The following ZMAT4 variants were observed in gnomAD, a reference collection of about 807,000 sequenced individuals.
ZMAT4 encodes zinc finger matrin-type protein 4.
Under a neutral mutation model 28.7 loss-of-function variants are expected in ZMAT4, and 17 were observed. That is an observed-to-expected ratio of 0.59 (90% CI 0.41 to 0.89). ZMAT4 has a LOEUF of 0.89. Ranked by LOEUF, ZMAT4 falls within the 40% of genes least tolerant of loss-of-function variation. The pLI, the probability that ZMAT4 is intolerant of heterozygous loss-of-function variation, is 0.00. For synonymous variants in ZMAT4, 117 were observed against 109.2 expected (o/e 1.07, Z -0.44); for missense variants, 240 against 283.8 (o/e 0.85, Z 1.11).
At chr8:40,772,734 G>T (rs1813431945) in intron 2 of ZMAT4, among the ~76,000 whole-genome samples, 1 of 152,162 alleles carries the variant, frequency 6.6e-6, no homozygotes, top group Admixed American at 6.6e-5. Context: ...TCATCAGAAG[G>T]ATCTAATTAT....
chr8:40,891,229 ACT>A, intron 1 of ZMAT4, among the ~76,000 whole-genome samples: 11 of 9,944 alleles, frequency 1.1e-3, no homozygotes, highest in Admixed American at 1.6e-3. Context: ...AGAGGAGAAG[ACT>A]TGAGAGGAGA....
intron 3 of ZMAT4, among the ~76,000 whole-genome samples, chr8:40,746,153 G>A (rs543561218): frequency 6.5e-4 from 99 of 151,854 alleles, no homozygotes; most frequent in Non-Finnish European, 1.1e-3. Flanking sequence ...TCTGAGCTCC[G>A]CAGAGGAACT....
intron 1 of ZMAT4, among the ~76,000 whole-genome samples, chr8:40,844,657 CTGTGTGTGTGTGTGTGTG>C (rs71224857): frequency 2.8e-5 from 4 of 142,406 alleles, no homozygotes; most frequent in Non-Finnish European, 6.1e-5. Flanking sequence ...CTCTCTCATT[CTGTGTGTGTGTGTGTGTG>C]TGTGTGTGTG....
chr8:40,704,159 G>A (rs527291979), intron 3 of ZMAT4, among the ~76,000 whole-genome samples: 18 of 152,292 alleles, frequency 1.2e-4, no homozygotes, highest in African/African-American at 2.9e-4. Flanking sequence ...TCCAATAAAC[G>A]CCACTATTTC....
At chr8:40,543,380 G>A (rs905030196) in intron 6 of ZMAT4, among the ~76,000 whole-genome samples, 2 of 152,228 alleles carry the variant, frequency 1.3e-5, no homozygotes, top group African/African-American at 2.4e-5. Flanking sequence ...CAAAGGCAGC[G>A]ATGGGTGTAG....
chr8:40,820,608 G>GTA (rs150613404), intron 2 of ZMAT4, among the ~76,000 whole-genome samples: 106,994 of 145,294 alleles, frequency 0.74, 38,884 homozygotes, highest in East Asian at 0.85. Flanking sequence ...GGGAGTGCAT[G>GTA]TGTGTGTATG....
rs1411287680 is a variant in ZMAT4 at position 40,697,335 on chromosome 8, CTGAAG to C, written c.254_258del (p.Thr85SerfsTer38). ...TGATAATGGGAATCGGCCACCACCG[CTGAAG>C]TGAATGACATGTTGCAGAGTGTGCA... On this transcript the variant is annotated frameshift_variant, in exon 4 of 7. Coordinates refer to ENST00000297737, the MANE Select transcript of ZMAT4 (RefSeq NM_024645.3). LOFTEE classifies it high-confidence loss of function. 2.5e-6 allele frequency: 4 copies of C among 1,613,976 alleles called. No individual in the cohort carries two copies. In the South Asian group the frequency reaches 4.4e-5, roughly 18 times the overall value.
intron 1 of ZMAT4, among the ~76,000 whole-genome samples, chr8:40,877,890 C>G (rs1012022750): frequency 1.3e-5 from 2 of 152,122 alleles, no homozygotes; most frequent in Non-Finnish European, 2.9e-5. Flanking sequence ...AACACCTGGG[C>G]GCATTCCAAA....
At chr8:40,652,535 C>G (rs9693730) in intron 5 of ZMAT4, among the ~76,000 whole-genome samples, 35,591 of 37,974 alleles carry the variant, frequency 0.94, 17,170 homozygotes, top group Middle Eastern at 1. Context: ...CGATTCCTCA[C>G]GGATCTAGAA....
At chr8:40,591,007 T>A (rs1230789842) in intron 5 of ZMAT4, among the ~76,000 whole-genome samples, 1 of 152,142 alleles carries the variant, frequency 6.6e-6, no homozygotes, top group Non-Finnish European at 1.5e-5. Context: ...TCACCCCAGC[T>A]GATAGGGAGA....
At chr8:40,779,440 A>G (rs1412638383) in intron 2 of ZMAT4, among the ~76,000 whole-genome samples, 1 of 151,884 alleles carries the variant, frequency 6.6e-6, no homozygotes, top group Non-Finnish European at 1.5e-5. Context: ...AGCCAGAGAG[A>G]AACACAGGCA....
At chr8:40,559,616 A>G (rs1240003794) in intron 6 of ZMAT4, among the ~76,000 whole-genome samples, 1 of 152,150 alleles carries the variant, frequency 6.6e-6, no homozygotes, top group Non-Finnish European at 1.5e-5. Flanking sequence ...TGTAGGTTGT[A>G]ACCCTTTATA....
chr8:40,782,249 G>A (rs1813867370), intron 2 of ZMAT4, among the ~76,000 whole-genome samples: 1 of 151,990 alleles, frequency 6.6e-6, no homozygotes, highest in South Asian at 2.1e-4. Context: ...AGCTGGGCAT[G>A]GTGGTGGGTG....
intron 6 of ZMAT4, among the ~76,000 whole-genome samples, chr8:40,561,980 C>T (rs2118471867): frequency 6.6e-6 from 1 of 152,254 alleles, no homozygotes; most frequent in South Asian, 2.1e-4. Context: ...CACACACCTC[C>T]TAGTGGTCTT....
intron 5 of ZMAT4, among the ~76,000 whole-genome samples, chr8:40,613,180 C>CTTTCTTTTTTTT (rs71224837): frequency 1.2e-3 from 99 of 79,972 alleles, no homozygotes; most frequent in East Asian, 5.1e-3. Flanking sequence ...TACTTTCTTT[C>CTTTCTTTTTTTT]TTTTTTTTTT....
intron 2 of ZMAT4, among the ~76,000 whole-genome samples, chr8:40,823,708 TGTGTGTGTGTGC>T (rs1554564630): frequency 1.1e-5 from 1 of 91,264 alleles, no homozygotes; most frequent in Admixed American, 9.5e-5. Context: ...CACACACACG[TGTGTGTGTGTGC>T]GTGTGTGTTT....
intron 2 of ZMAT4, chr8:40,808,564 G>T (rs773721202): frequency 2.0e-5 from 9 of 454,120 alleles, no homozygotes; most frequent in African/African-American, 4.0e-5. Context: ...CAGAGGAACT[G>T]CACCACACTG....
intron 5 of ZMAT4, among the ~76,000 whole-genome samples, chr8:40,611,383 C>T (rs1186756919): frequency 2.0e-5 from 3 of 151,444 alleles, no homozygotes; most frequent in Non-Finnish European, 4.4e-5. Context: ...GATGGAGTCT[C>T]GCTCTGTCAC....
intron 3 of ZMAT4, among the ~76,000 whole-genome samples, chr8:40,708,048 T>C (rs1255853103): frequency 6.6e-6 from 1 of 152,158 alleles, no homozygotes; most frequent in Non-Finnish European, 1.5e-5. Context: ...TCACAGATAA[T>C]ATTTATTACA....
Sources: allele counts gnomAD v4.1 joint callset (sites outside exome capture counted in the v4.1 genomes callset), GRCh38; gene constraint gnomAD v4.1.1; transcripts MANE v1.5; gene names NCBI Gene and HGNC (gene_info 2026-07-23, HGNC 2026-07-21).